The following STK32C variants were observed in gnomAD, a reference collection of about 807,000 sequenced individuals.
STK32C encodes the protein serine/threonine-protein kinase 32C.
Under a neutral mutation model 56.5 loss-of-function variants are expected in STK32C, and 31 were observed. The ratio of observed to expected loss-of-function variants is 0.55; its 90% CI spans 0.41 to 0.74. The LOEUF is 0.74. Among genes scored for constraint, STK32C ranks in the 30% least tolerant of loss-of-function variants. STK32C has a pLI of 0.00. For synonymous variants in STK32C, 309 were observed against 289.4 expected (o/e 1.07, Z -0.69); for missense variants, 544 against 676.9 (o/e 0.80, Z 2.18).
intron 10 of STK32C, among the ~76,000 whole-genome samples, chr10:132,220,502 T>C (rs2137644634): frequency 6.6e-6 from 1 of 152,324 alleles, no homozygotes; most frequent in Non-Finnish European, 1.5e-5. Flanking sequence ...ACGTCCACAT[T>C]GGGAACACCA....
chr10:132,212,978 G>A (rs989273147), intron 10 of STK32C, among the ~76,000 whole-genome samples: 17 of 152,220 alleles, frequency 1.1e-4, no homozygotes, highest in East Asian at 1.9e-4. Context: ...GGGAGCGGCC[G>A]GGGCCGTGTG....
intron 1 of STK32C, among the ~76,000 whole-genome samples, chr10:132,326,746 T>C: frequency 6.6e-6 from 1 of 152,032 alleles, no homozygotes; most frequent in East Asian, 1.9e-4. Context: ...CGCCCAGTCC[T>C]CCACTGCTGG....
chr10:132,293,819 C>A (rs1024619804), intron 1 of STK32C, among the ~76,000 whole-genome samples: 6 of 152,128 alleles, frequency 3.9e-5, no homozygotes, highest in African/African-American at 1.4e-4. Flanking sequence ...GGGGACAGCC[C>A]CGAGGAAGCC....
chr10:132,308,797 C>G (rs1453214776), upstream of STK32C, among the ~76,000 whole-genome samples: 1 of 152,178 alleles, frequency 6.6e-6, no homozygotes, highest in African/African-American at 2.4e-5. Context: ...CGCGGCTTGA[C>G]CTCCGGGCAC....
chr10:132,285,193 CCT>C (rs1490806088), intron 1 of STK32C, among the ~76,000 whole-genome samples: 1 of 132,034 alleles, frequency 7.6e-6, no homozygotes, highest in African/African-American at 2.8e-5. Context: ...CATTCCCACA[CCT>C]GCCCAAAGAC....
chr10:132,281,008 C>T (rs540863235), intron 1 of STK32C, among the ~76,000 whole-genome samples: 1 of 147,978 alleles, frequency 6.8e-6, no homozygotes, highest in Admixed American at 6.7e-5. Context: ...GTGATCACGC[C>T]CCTGCACTCC....
chr10:132,270,381 C>A (rs767705921), intron 1 of STK32C, among the ~76,000 whole-genome samples: 57 of 152,370 alleles, frequency 3.7e-4, no homozygotes, highest in Non-Finnish European at 6.9e-4. Flanking sequence ...CACGGGCCCA[C>A]GCCGCTGGCC....
chr10:132,248,592 G>A (rs1345822188), intron 1 of STK32C, among the ~76,000 whole-genome samples: 1 of 152,258 alleles, frequency 6.6e-6, no homozygotes, highest in African/African-American at 2.4e-5. Context: ...GGAGCCCGTG[G>A]TCGGCACAGC....
At chr10:132,329,611 AC>A (rs2066594424) in intron 1 of STK32C, among the ~76,000 whole-genome samples, 1 of 152,232 alleles carries the variant, frequency 6.6e-6, no homozygotes, top group East Asian at 1.9e-4. Flanking sequence ...TTGGATGGAG[AC>A]AGAACTAGTA....
chr10:132,223,928 G>A (rs1043031074), intron 8 of STK32C, among the ~76,000 whole-genome samples: 2 of 152,230 alleles, frequency 1.3e-5, no homozygotes, highest in African/African-American at 2.4e-5. Context: ...CCCTGCCCGT[G>A]TCCCTGCCAG....
At chr10:132,283,602 A>C (rs565825741) in intron 1 of STK32C, among the ~76,000 whole-genome samples, 85 of 152,304 alleles carry the variant, frequency 5.6e-4, no homozygotes, top group African/African-American at 2.0e-3. Flanking sequence ...TGTGACCTGC[A>C]AGTTGCAGCA....
chr10:132,280,638 G>GCCCCTCCACTCCATGATCACC (rs1564772960), intron 1 of STK32C, among the ~76,000 whole-genome samples: 1 of 91,380 alleles, frequency 1.1e-5, no homozygotes, highest in Non-Finnish European at 2.7e-5. Context: ...CCGTGATCAC[G>GCCCCTCCACTCCATGATCACC]ACACTCCACT....
intron 1 of STK32C, among the ~76,000 whole-genome samples, chr10:132,277,502 C>T (rs2065027387): frequency 6.6e-6 from 1 of 152,202 alleles, no homozygotes; most frequent in African/African-American, 2.4e-5. Context: ...CAGTTCTGTG[C>T]CCACCGCCTT....
chr10:132,307,990 G>A (rs1340930293), upstream of STK32C: 14 of 990,030 alleles, frequency 1.4e-5, no homozygotes, highest in Non-Finnish European at 1.7e-5. This position sits in a 1 kb window ranked among gnomAD's most constrained non-coding sequence, Gnocchi z 4.4. Flanking sequence ...AGCGCTGGGG[G>A]CGGGGCAGGG....
intron 1 of STK32C, chr10:132,249,093 C>T: frequency 2.1e-6 from 1 of 476,908 alleles, no homozygotes; most frequent in Non-Finnish European, 4.2e-6. Flanking sequence ...AGCTGGGAGG[C>T]AGCAGCAAGG....
At chr10:132,272,259 A>G (rs976592872) in intron 1 of STK32C, among the ~76,000 whole-genome samples, 2 of 152,198 alleles carry the variant, frequency 1.3e-5, no homozygotes, top group African/African-American at 4.8e-5. Flanking sequence ...CCACAGAGGA[A>G]TGGCCACGTG....
intron 1 of STK32C, among the ~76,000 whole-genome samples, chr10:132,270,617 G>A (rs530655559): frequency 3.9e-5 from 6 of 152,308 alleles, no homozygotes; most frequent in African/African-American, 7.2e-5. Context: ...CCTGCTCCCC[G>A]GCCTGCCGGA....
At chr10:132,237,356 C>T (rs746092047) in intron 2 of STK32C, among the ~76,000 whole-genome samples, 7 of 152,340 alleles carry the variant, frequency 4.6e-5, no homozygotes, top group East Asian at 1.9e-4. Flanking sequence ...ACCATGCACA[C>T]GCCTGTCGAG....
chr10:132,233,934 G>A (rs1471708636), intron 2 of STK32C, among the ~76,000 whole-genome samples: 1 of 152,252 alleles, frequency 6.6e-6, no homozygotes, highest in African/African-American at 2.4e-5. Context: ...GCTTGGAAGA[G>A]CAGATGGGCT....
Sources: allele counts gnomAD v4.1 joint callset (sites outside exome capture counted in the v4.1 genomes callset), GRCh38; gene constraint gnomAD v4.1.1; non-coding constraint Gnocchi (gnomAD v3.1); transcripts MANE v1.5; gene names NCBI Gene and HGNC (gene_info 2026-07-23, HGNC 2026-07-21).